The following ERBB4 variants were observed in gnomAD, a reference collection of about 807,000 sequenced individuals.
ERBB4 encodes the protein receptor tyrosine-protein kinase erbB-4.
A neutral mutation model predicts 158.0 loss-of-function variants in ERBB4; 42 were observed. The ratio of observed to expected loss-of-function variants is 0.27; its 90% CI spans 0.21 to 0.34. The LOEUF (loss-of-function observed/expected upper bound fraction) is 0.34. Among genes scored for constraint, ERBB4 ranks in the 10% least tolerant of loss-of-function variants. ERBB4 has a pLI of 1.00. For synonymous variants in ERBB4, 583 were observed against 558.7 expected, an observed-to-expected ratio of 1.04 and a Z score of -0.61; for missense variants, 1,333 against 1,624.1, an observed-to-expected ratio of 0.82 and a Z score of 3.08.
intron 1 of ERBB4, among the ~76,000 whole-genome samples, chr2:212,455,907 G>T (rs1304249679): frequency 6.6e-6 from 1 of 152,060 alleles, no homozygotes; most frequent in Non-Finnish European, 1.5e-5. Flanking sequence ...CATGCTAGGT[G>T]CTGGGCATCC....
chr2:211,699,147 T>G (rs2073136722), intron 12 of ERBB4, among the ~76,000 whole-genome samples: 1 of 152,196 alleles, frequency 6.6e-6, no homozygotes, highest in Non-Finnish European at 1.5e-5. Flanking sequence ...ATAAGTGTAT[T>G]TGATGGTGAC....
chr2:212,178,718 T>C (rs1294247846), intron 1 of ERBB4, among the ~76,000 whole-genome samples: 3 of 151,724 alleles, frequency 2.0e-5, no homozygotes, highest in Admixed American at 6.6e-5. Flanking sequence ...ACCATTTACA[T>C]ATCAAGATTG....
chr2:211,534,857 C>T (rs1176941916), intron 20 of ERBB4, among the ~76,000 whole-genome samples: 1 of 151,962 alleles, frequency 6.6e-6, no homozygotes, highest in African/African-American at 2.4e-5. Flanking sequence ...GCCAAATGAC[C>T]CTGTGGGTTT....
chr2:211,554,202 T>G (rs2125707283), intron 20 of ERBB4, among the ~76,000 whole-genome samples: 1 of 152,304 alleles, frequency 6.6e-6, no homozygotes, highest in East Asian at 1.9e-4. Flanking sequence ...GAGACCTGGC[T>G]CAGGAGTCAG....
chr2:212,443,674 C>A (rs991971371), intron 1 of ERBB4, among the ~76,000 whole-genome samples: 1 of 152,222 alleles, frequency 6.6e-6, no homozygotes, highest in East Asian at 1.9e-4. Context: ...AACTGCTCTG[C>A]CACTTGGGCC....
intron 1 of ERBB4, among the ~76,000 whole-genome samples, chr2:212,300,534 T>C (rs1238577149): frequency 6.6e-6 from 1 of 151,446 alleles, no homozygotes; most frequent in Non-Finnish European, 1.5e-5. Context: ...TTTTAAAATA[T>C]CCCAGCCTAC....
chr2:211,949,345 G>A (rs185480421), intron 2 of ERBB4, among the ~76,000 whole-genome samples: 1 of 152,268 alleles, frequency 6.6e-6, no homozygotes, highest in Non-Finnish European at 1.5e-5. Flanking sequence ...TTTTACTGAT[G>A]TATCAAAATC....
chr2:212,258,674 G>A (rs148633404), intron 1 of ERBB4, among the ~76,000 whole-genome samples: 2,884 of 149,828 alleles, frequency 0.019, 94 homozygotes, highest in African/African-American at 0.066. Context: ...AGGCAGTCTA[G>A]TTAAAGCTGC....
intron 1 of ERBB4, among the ~76,000 whole-genome samples, chr2:212,536,395 C>A (rs1002830131): frequency 6.6e-6 from 1 of 152,172 alleles, no homozygotes; most frequent in Non-Finnish European, 1.5e-5. Flanking sequence ...TGCAATTATA[C>A]CAGGGATGCA....
At chr2:211,603,748 G>A (rs575790872) in intron 19 of ERBB4, among the ~76,000 whole-genome samples, 2 of 152,288 alleles carry the variant, frequency 1.3e-5, no homozygotes, top group East Asian at 1.9e-4. Context: ...TCCCAAAAGA[G>A]GCCAATGAGA....
intron 1 of ERBB4, among the ~76,000 whole-genome samples, chr2:212,447,922 A>T (rs2092387161): frequency 6.6e-6 from 1 of 152,118 alleles, no homozygotes; most frequent in Non-Finnish European, 1.5e-5. Context: ...TCACAAAAAA[A>T]GCTCTTCAAA....
chr2:211,584,981 G>A (rs1001803831), intron 19 of ERBB4, among the ~76,000 whole-genome samples: 13 of 151,610 alleles, frequency 8.6e-5, no homozygotes, highest in Middle Eastern at 3.2e-3. Flanking sequence ...CTAATATCAC[G>A]TATCAATAAA....
intron 1 of ERBB4, among the ~76,000 whole-genome samples, chr2:212,294,917 A>G (rs891743693): frequency 6.6e-6 from 1 of 152,186 alleles, no homozygotes; most frequent in African/African-American, 2.4e-5. Context: ...TCACTTCCAT[A>G]TGCCCTGAGG....
chr2:211,932,156 A>G (rs568669442), intron 3 of ERBB4, among the ~76,000 whole-genome samples: 1 of 152,184 alleles, frequency 6.6e-6, no homozygotes, highest in African/African-American at 2.4e-5. Context: ...CTCATCTAGA[A>G]CACATAGGCT....
chr2:211,908,803 T>G (rs1241991457), intron 3 of ERBB4, among the ~76,000 whole-genome samples: 1 of 151,674 alleles, frequency 6.6e-6, no homozygotes, highest in Admixed American at 6.6e-5. Context: ...TTATTCCTCT[T>G]TTGTGTTGTA....
intron 20 of ERBB4, among the ~76,000 whole-genome samples, chr2:211,453,656 T>C (rs1028897532): frequency 6.6e-6 from 1 of 152,186 alleles, no homozygotes; most frequent in Non-Finnish European, 1.5e-5. Context: ...AGACATGTGT[T>C]ATAAATCAAT....
chr2:211,383,013 A>C lies in ERBB4; in HGVS notation c.*602T>G. The C allele has an allele frequency of 4.3e-6, 1 of 232,742 alleles. No individual in the cohort carries two copies. Among genetic ancestry groups the C allele is most frequent in the Non-Finnish European group, 8.5e-6 (1 of 117,788 alleles). 14.4% of individuals were successfully genotyped at this position (232,742 alleles called of 1,614,324 possible). ...AACATAATTACTAGTTATAACTTTA[A>C]TGGAGATTTTTAAATTATGAAAGTT... On this transcript the variant is annotated 3_prime_UTR_variant, in exon 28 of 28. Coordinates refer to ENST00000342788, the MANE Select transcript of ERBB4 (RefSeq NM_005235.3).
rs567964260 is a variant in ERBB4 at position 212,426,306 on chromosome 2, A to T, written c.82+112143T>A. ...TGCAAAAGTAATTACAGTTTTTGCC[A>T]TTAAAAGTAATGATAAAAACTGCAA... On this transcript the variant is annotated intron_variant, in intron 1 of 27. Transcript: ENST00000342788. 2.4e-4 allele frequency: 114 copies of T among 469,210 alleles called. 1 individual carries two copies. The highest frequency in any genetic ancestry group is 2.5e-4 in the Non-Finnish European group (59 of 235,472). The allele number at this position is 469,210 out of a possible 1,614,324, so 29.1% of individuals were successfully genotyped here.
chr2:211,773,491 G>A (rs2075767374), intron 4 of ERBB4, among the ~76,000 whole-genome samples: 1 of 148,112 alleles, frequency 6.8e-6, no homozygotes, highest in South Asian at 2.1e-4. Flanking sequence ...AAGGAAGAGA[G>A]GGTATGAGAT....
Sources: allele counts gnomAD v4.1 joint callset (sites outside exome capture counted in the v4.1 genomes callset), GRCh38; gene constraint gnomAD v4.1.1; transcripts MANE v1.5; gene names NCBI Gene and HGNC (gene_info 2026-07-23, HGNC 2026-07-21).